EXOC4: variants seen among roughly 807,000 people sequenced by gnomAD.
EXOC4 encodes the protein SEC8-like 1.
A neutral mutation model predicts 107.2 loss-of-function variants in EXOC4; 71 were observed. The observed-to-expected ratio is 0.66, with a 90% CI of 0.55 to 0.81. The LOEUF is 0.81. Among genes scored for constraint, EXOC4 ranks in the 30% least tolerant of loss-of-function variants. The probability of loss-of-function intolerance (pLI) is 0.00; values close to 1 mark genes in which losing one functional copy is unlikely to be tolerated. For missense variants in EXOC4, 1,108 were observed against 1,189.6 expected, an observed-to-expected ratio of 0.93 and a Z score of 1.01; for synonymous variants, 456 against 441.2, an observed-to-expected ratio of 1.03 and a Z score of -0.42.
downstream of EXOC4, among the ~76,000 whole-genome samples, chr7:134,070,640 G>A (rs186113484): frequency 6.1e-4 from 93 of 152,278 alleles, no homozygotes; most frequent in South Asian, 1.5e-3. Context: ...GGCCAAAGAC[G>A]CGTCTGTAAT....
chr7:133,452,057 C>T (rs1584928392), intron 7 of EXOC4, among the ~76,000 whole-genome samples: 1 of 152,056 alleles, frequency 6.6e-6, no homozygotes, highest in East Asian at 1.9e-4. Context: ...ATTGCCTTTA[C>T]CTTTGAAAGC....
At chr7:133,477,452 TTA>T (rs1799045024) in intron 8 of EXOC4, among the ~76,000 whole-genome samples, 1 of 152,216 alleles carries the variant, frequency 6.6e-6, no homozygotes, top group Non-Finnish European at 1.5e-5. Flanking sequence ...CAATATGCAT[TTA>T]TCTTTCTTCC....
intron 9 of EXOC4, among the ~76,000 whole-genome samples, chr7:133,534,525 A>G (rs1029670028): frequency 1.3e-5 from 2 of 152,176 alleles, no homozygotes; most frequent in African/African-American, 4.8e-5. Flanking sequence ...ATAGCTACTC[A>G]TCAGCAAAGC....
chr7:133,776,776 C>G (rs895869358), intron 10 of EXOC4, among the ~76,000 whole-genome samples: 3 of 152,126 alleles, frequency 2.0e-5, no homozygotes, highest in African/African-American at 7.2e-5. Flanking sequence ...TTTGGGTCTT[C>G]AAATGGATGA....
chr7:133,743,649 G>T, intron 10 of EXOC4, among the ~76,000 whole-genome samples: 1 of 100,978 alleles, frequency 9.9e-6, no homozygotes, highest in Non-Finnish European at 2.1e-5. Flanking sequence ...CATGAAATTA[G>T]TCAAAACCCC....
chr7:134,058,853 A>G (rs945786667), intron 17 of EXOC4, among the ~76,000 whole-genome samples: 1 of 152,192 alleles, frequency 6.6e-6, no homozygotes. Context: ...GGCCTTAGAC[A>G]AATCACTAAT....
At chr7:133,954,435 C>T (rs1800767791) in intron 14 of EXOC4, among the ~76,000 whole-genome samples, 1 of 152,166 alleles carries the variant, frequency 6.6e-6, no homozygotes, top group Admixed American at 6.5e-5. Context: ...CTTGTTTCAT[C>T]TTTAGCTTAC....
At chr7:133,362,318 T>C (rs966717394) in intron 6 of EXOC4, among the ~76,000 whole-genome samples, 1 of 152,188 alleles carries the variant, frequency 6.6e-6, no homozygotes, top group African/African-American at 2.4e-5. Context: ...ACCTGACACA[T>C]ACTATACTGT....
Position 133,507,420 on chromosome 7 carries a change from G to T in EXOC4, c.1417+27282G>T, listed in dbSNP as rs189354234. ...ATCATAGTATCCTTCTGGATAATTT[G>T]TGAGTGGGCAGCATCTGTACTTTTC... On this transcript the variant is annotated intron_variant, in intron 9 of 17. Coordinates refer to ENST00000253861, the MANE Select transcript of EXOC4 (RefSeq NM_021807.4). 6.0e-4 allele frequency among the ~76,000 whole-genome samples: 92 copies of T among 152,274 alleles called. 1 individual carries two copies. Among genetic ancestry groups the T allele is most frequent in the Middle Eastern group, 3.4e-3 (1 of 294 alleles).
In EXOC4 at chr7:134,045,991, C is replaced by T. The variant is rs556026331; in HGVS notation, c.2688-18300C>T. On this transcript the variant is annotated intron_variant, in intron 17 of 17. Coordinates refer to ENST00000253861, the MANE Select transcript of EXOC4 (RefSeq NM_021807.4). Reference sequence around the variant, plus strand: ...TTAAAAATATACTCAGGTACACATCCCAACACCTGGCCTACAGCCTGCTCT... The same window carrying T: ...TTAAAAATATACTCAGGTACACATCTCAACACCTGGCCTACAGCCTGCTCT... Among the ~76,000 whole-genome samples the T allele has an allele frequency of 3.9e-5, 6 of 152,242 alleles. No homozygotes were observed. The South Asian group carries it at 1.2e-3, about 32-fold the overall frequency.
intron 7 of EXOC4, among the ~76,000 whole-genome samples, chr7:133,404,618 T>C (rs1797170545): frequency 1.3e-5 from 2 of 152,180 alleles, no homozygotes; most frequent in African/African-American, 4.8e-5. Context: ...CATCTTATGT[T>C]GTCATTGCCT....
Position 134,064,826 on chromosome 7 carries a change from T to A in EXOC4, c.*298T>A, listed in dbSNP as rs1269346182. ...GACTCTGAAAAACAAGTGGATGGATTACTAATATTTGATTTATTACTCAAT... is the reference window on the plus strand; with the variant it reads ...GACTCTGAAAAACAAGTGGATGGATAACTAATATTTGATTTATTACTCAAT... On this transcript the variant is annotated 3_prime_UTR_variant, in exon 18 of 18. Transcript: ENST00000253861. 1 of 193,276 alleles carries A rather than the reference T, an allele frequency of 5.2e-6. No homozygotes were observed. The highest frequency in any genetic ancestry group is 1.2e-4 in the East Asian group (1 of 8,626). The allele number at this position is 193,276 out of a possible 1,614,324, so 12.0% of individuals were successfully genotyped here. A position where few individuals can be genotyped will look rare whatever the true frequency, so the allele number is the denominator to read the frequency against.
the EXOC4 span, among the ~76,000 whole-genome samples, chr7:134,097,948 A>G: frequency 1.3e-5 from 2 of 152,200 alleles, no homozygotes; most frequent in African/African-American, 4.8e-5. Flanking sequence ...AAGGTCCCTA[A>G]TAACTACTGG....
At chr7:133,529,965 G>A (rs1243238729) in intron 9 of EXOC4, among the ~76,000 whole-genome samples, 1 of 152,164 alleles carries the variant, frequency 6.6e-6, no homozygotes, top group Non-Finnish European at 1.5e-5. Flanking sequence ...TTTACTATGT[G>A]CCAGCCACAT....
the EXOC4 span, among the ~76,000 whole-genome samples, chr7:134,086,743 A>G: frequency 1.3e-5 from 2 of 152,210 alleles, no homozygotes; most frequent in Non-Finnish European, 1.5e-5. Flanking sequence ...AAGCAAGTTT[A>G]TTAAGAAAGT....
intron 9 of EXOC4, among the ~76,000 whole-genome samples, chr7:133,540,282 C>T (rs536350623): frequency 2.0e-5 from 3 of 152,258 alleles, no homozygotes; most frequent in South Asian, 4.1e-4. Context: ...AATGTTGCCA[C>T]TGGATTTCTT....
At chr7:133,345,079 C>G (rs950917628) in intron 5 of EXOC4, among the ~76,000 whole-genome samples, 25 of 152,154 alleles carry the variant, frequency 1.6e-4, no homozygotes, top group African/African-American at 5.6e-4. Flanking sequence ...TAAGCAACCA[C>G]CTTTGTCAGC....
intron 9 of EXOC4, among the ~76,000 whole-genome samples, chr7:133,497,970 A>T (rs1471703228): frequency 6.6e-6 from 1 of 151,952 alleles, no homozygotes; most frequent in Non-Finnish European, 1.5e-5. Flanking sequence ...CATTTTGAAA[A>T]CGTTTGTAGT....
chr7:133,256,201 T>C (rs1380586857), intron 1 of EXOC4, among the ~76,000 whole-genome samples: 1 of 152,224 alleles, frequency 6.6e-6, no homozygotes, highest in Non-Finnish European at 1.5e-5. Flanking sequence ...CAGGATGGTT[T>C]TGATCTCCTG....
Sources: gnomAD v4.1 joint callset for allele counts (sites outside exome capture counted in the v4.1 genomes callset) on GRCh38, gnomAD v4.1.1 for gene constraint, MANE v1.5 for transcripts, NCBI Gene and HGNC (gene_info 2026-07-23, HGNC 2026-07-21) for gene names.